ANKRD12: variants seen among roughly 807,000 people sequenced by gnomAD.
The protein encoded by ANKRD12 is ankyrin repeat domain 12, also known as ankyrin repeat domain-containing protein 12.
ANKRD12 carries 85 observed loss-of-function variants against 183.4 expected under a neutral mutation model. That is an observed-to-expected ratio of 0.46 (90% CI 0.39 to 0.56). ANKRD12 has a LOEUF of 0.56. ANKRD12 is among the 20% of genes least tolerant of loss of function. ANKRD12 has a pLI of 0.00. For missense variants in ANKRD12, 2,405 were observed against 2,357.1 expected, an observed-to-expected ratio of 1.02 and a Z score of -0.42; for synonymous variants, 914 against 800.2, an observed-to-expected ratio of 1.14 and a Z score of -2.40.
chr18:9,138,169 A>G (rs1021885057), intron 1 of ANKRD12, among the ~76,000 whole-genome samples: 1 of 152,252 alleles, frequency 6.6e-6, no homozygotes, highest in Non-Finnish European at 1.5e-5. Flanking sequence ...GTAAATTATA[A>G]AGAAAGGCTA....
intron 8 of ANKRD12, among the ~76,000 whole-genome samples, chr18:9,233,199 C>T (rs2037155181): frequency 1.3e-5 from 2 of 151,774 alleles, no homozygotes; most frequent in African/African-American, 4.8e-5. Flanking sequence ...TTGGTCTAGT[C>T]TGTTGTTGAA....
At chr18:9,265,878 G>A (rs2039259871) in intron 10 of ANKRD12, among the ~76,000 whole-genome samples, 1 of 152,016 alleles carries the variant, frequency 6.6e-6, no homozygotes, top group South Asian at 2.1e-4. Flanking sequence ...CTTGAAAAAA[G>A]ATTAGACGAA....
intron 2 of ANKRD12, among the ~76,000 whole-genome samples, chr18:9,188,127 A>G (rs1016701321): frequency 2.0e-5 from 3 of 152,244 alleles, no homozygotes; most frequent in South Asian, 2.1e-4. Context: ...TGATGAAGGA[A>G]TATTTGCTAT....
chr18:9,276,380 CTA>C (rs1204839315), intron 11 of ANKRD12, among the ~76,000 whole-genome samples: 2 of 152,044 alleles, frequency 1.3e-5, no homozygotes, highest in Non-Finnish European at 2.9e-5. Flanking sequence ...TTTTTCTCAT[CTA>C]TAAAAAAATC....
chr18:9,281,083 C>T lies in ANKRD12; in HGVS notation c.6146C>T (p.Pro2049Leu). ...SIYEIQEFYV[P>L]LVDVNDDFEL... is the part of the protein sequence containing the mutation. The stretch of plus-strand genomic sequence containing the variant: ...TACGAAATCCAGGAGTTTTATGTTC[C>T]CCTTGTTGATGTTAACGACGACTTT... The change falls in exon 13 of 13, where the codon CCC becomes CTC. Residue 2049 changes from proline to leucine, a missense_variant. Coordinates refer to ENST00000262126, the MANE Select transcript of ANKRD12 (RefSeq NM_015208.5). 6.2e-7 allele frequency: 1 copy of T among 1,613,858 alleles called. No homozygotes were observed.
chr18:9,204,738 A>C (rs80347186), intron 4 of ANKRD12, among the ~76,000 whole-genome samples, 194 bp downstream of exon 4: 2,132 of 152,316 alleles, frequency 0.014, 18 homozygotes, highest in Non-Finnish European at 0.022. Context: ...AACACAAGCT[A>C]TGTGTGAACC....
intron 2 of ANKRD12, among the ~76,000 whole-genome samples, chr18:9,183,010 T>C (rs2033809988): frequency 6.6e-6 from 1 of 152,216 alleles, no homozygotes; most frequent in Admixed American, 6.5e-5. Context: ...GAAAGATGTC[T>C]GAGGTGTTTC....
At chr18:9,154,715 A>G (rs2030138956) in intron 1 of ANKRD12, among the ~76,000 whole-genome samples, 1 of 152,216 alleles carries the variant, frequency 6.6e-6, no homozygotes, top group East Asian at 1.9e-4. Flanking sequence ...GGATGGTAGC[A>G]AGTGAGATGG....
chr18:9,179,713 G>A (rs956777252), intron 1 of ANKRD12, among the ~76,000 whole-genome samples: 1 of 151,994 alleles, frequency 6.6e-6, no homozygotes, highest in African/African-American at 2.4e-5. Context: ...GTGGTGTTTC[G>A]CCATGTTGTC....
intron 7 of ANKRD12, among the ~76,000 whole-genome samples, chr18:9,221,298 A>T (rs2036407107): frequency 6.6e-6 from 1 of 152,192 alleles, no homozygotes; most frequent in Admixed American, 6.5e-5. Flanking sequence ...AACATTAGAT[A>T]CAGCATCCTT....
intron 9 of ANKRD12, among the ~76,000 whole-genome samples, chr18:9,262,910 T>C (rs2039064806): frequency 6.8e-6 from 1 of 146,082 alleles, no homozygotes; most frequent in East Asian, 2.2e-4. Flanking sequence ...GCAATTTTCC[T>C]GCCTCAGCCT....
Position 9,284,344 on chromosome 18 carries a change from C to T in ANKRD12, c.*3218C>T, listed in dbSNP as rs2040178322. 6.6e-6 allele frequency: 1 copy of T among 152,136 alleles called. No homozygotes were observed. Among genetic ancestry groups the T allele is most frequent in the Non-Finnish European group, 1.5e-5 (1 of 68,004 alleles). The allele number at this position is 152,136 out of a possible 1,614,324, so 9.4% of individuals were successfully genotyped here. ...ATTTGAATGGGACTTAACAATTAGA[C>T]AGTTATTTTAGAAATTGAGTGCAGA... On this transcript the variant is annotated 3_prime_UTR_variant, in exon 13 of 13. Coordinates refer to ENST00000262126, the MANE Select transcript of ANKRD12 (RefSeq NM_015208.5).
At position 9,281,265 on chromosome 18, in the gene ANKRD12, A is replaced by G; in HGVS notation, c.*139A>G. The G allele has an allele frequency of 1.6e-6, 1 of 607,702 alleles. No individual in the cohort carries two copies. Among genetic ancestry groups the G allele is most frequent in the Non-Finnish European group, 2.7e-6 (1 of 364,994 alleles). The allele number at this position is 607,702 out of a possible 1,614,324, so 37.6% of individuals were successfully genotyped here. A position where few individuals can be genotyped will look rare whatever the true frequency, so the allele number is the denominator to read the frequency against. ...GATTATAGTTGGTTATGTAGTAAACACTGTCATTTTATAAAAAATGAGAAT... is the reference window on the plus strand; with the variant it reads ...GATTATAGTTGGTTATGTAGTAAACGCTGTCATTTTATAAAAAATGAGAAT... On this transcript the variant is annotated 3_prime_UTR_variant, in exon 13 of 13. Transcript: ENST00000262126.
At chr18:9,218,064 T>C (rs1185426258) in intron 7 of ANKRD12, among the ~76,000 whole-genome samples, 1 of 152,120 alleles carries the variant, frequency 6.6e-6, no homozygotes, top group Non-Finnish European at 1.5e-5. Flanking sequence ...TTAAAAAATA[T>C]TATTGATAGT....
At chr18:9,146,123 C>G (rs1598385941) in intron 1 of ANKRD12, among the ~76,000 whole-genome samples, 1 of 152,150 alleles carries the variant, frequency 6.6e-6, no homozygotes, top group East Asian at 1.9e-4. Flanking sequence ...TCTTAGAGTC[C>G]TTAATTTCTT....
intron 1 of ANKRD12, chr18:9,137,701 A>T (rs532205481): frequency 6.6e-6 from 1 of 152,342 alleles, no homozygotes; most frequent in South Asian, 2.1e-4. Flanking sequence ...GCCAGTGTAA[A>T]ATAACCTTGC....
chr18:9,195,249 T>C (rs1337116910), intron 2 of ANKRD12, among the ~76,000 whole-genome samples: 4 of 152,098 alleles, frequency 2.6e-5, no homozygotes, highest in African/African-American at 9.7e-5. Context: ...ATTACCTGGG[T>C]AATGAAATAA....
chr18:9,254,149 A>G, intron 8 of ANKRD12, 62 bp from the exon 9 acceptor site: 2 of 1,438,842 alleles, frequency 1.4e-6, no homozygotes, highest in Non-Finnish European at 1.8e-6. Flanking sequence ...AGAAAAAAAA[A>G]TTATTTTTCT....
At position 9,283,099 on chromosome 18, in the gene ANKRD12, CCTAAAAAGGAAATTGGAT is replaced by C. The variant is rs2040159164; in HGVS notation, c.*1974_*1991del. ...ACTGCAAAGTTTGTTTATACTTTTG[CCTAAAAAGGAAATTGGAT>C]GGGATACTGTGGCAAATCATAAAAA... is the stretch of plus-strand genomic sequence containing the variant. On this transcript the variant is annotated 3_prime_UTR_variant, in exon 13 of 13. Transcript: ENST00000262126. 1 of 152,260 alleles carries C rather than the reference CCTAAAAAGGAAATTGGAT, an allele frequency of 6.6e-6. No homozygotes were observed. The highest frequency in any genetic ancestry group is 1.9e-4 in the East Asian group (1 of 5,194). 9.4% of individuals were successfully genotyped at this position (152,260 alleles called of 1,614,324 possible). A position where few individuals can be genotyped will look rare whatever the true frequency, so the allele number is the denominator to read the frequency against.
Sources: gnomAD v4.1 joint callset for allele counts (sites outside exome capture counted in the v4.1 genomes callset) on GRCh38, gnomAD v4.1.1 for gene constraint, MANE v1.5 for transcripts, NCBI Gene and HGNC (gene_info 2026-07-23, HGNC 2026-07-21) for gene names.